Variants in TMCC1 observed in about 807,000 individuals in gnomAD.
TMCC1 encodes transmembrane and coiled-coil domain family 1.
A neutral mutation model predicts 52.4 loss-of-function variants in TMCC1; 15 were observed. The observed-to-expected ratio is 0.29, with a 90% CI of 0.19 to 0.44. The LOEUF (loss-of-function observed/expected upper bound fraction) is 0.44. Ranked by LOEUF, TMCC1 falls within the 20% of genes least tolerant of loss-of-function variation. TMCC1 has a pLI of 1.00. For missense variants in TMCC1, 503 were observed against 806.0 expected (o/e 0.62, Z 4.55); for synonymous variants, 279 against 301.9 (o/e 0.92, Z 0.79).
At chr3:129,842,477 AACACACACACACAC>A (rs61106930) in intron 2 of TMCC1, among the ~76,000 whole-genome samples, 2 of 147,650 alleles carry the variant, frequency 1.4e-5, no homozygotes, top group African/African-American at 5.0e-5. Flanking sequence ...AAAAAAACAA[AACACACACACACAC>A]ACACACACAC....
chr3:129,801,829 A>G (rs963460370), intron 4 of TMCC1, among the ~76,000 whole-genome samples: 6 of 152,200 alleles, frequency 3.9e-5, no homozygotes, highest in Non-Finnish European at 7.3e-5. Flanking sequence ...TTTCTATAGA[A>G]GTAAGATCAG....
chr3:129,870,238 C>T (rs2060846956), intron 2 of TMCC1, among the ~76,000 whole-genome samples: 2 of 152,014 alleles, frequency 1.3e-5, no homozygotes, highest in South Asian at 4.1e-4. Context: ...GACTGACAAA[C>T]ATTTCATTTT....
chr3:129,838,040 AGAG>A (rs1366913500), intron 2 of TMCC1, among the ~76,000 whole-genome samples: 2 of 152,230 alleles, frequency 1.3e-5, no homozygotes, highest in Non-Finnish European at 2.9e-5. Context: ...AAGAGACAAC[AGAG>A]AAGAAACATT....
intron 2 of TMCC1, among the ~76,000 whole-genome samples, chr3:129,863,910 C>A (rs2060510360): frequency 6.6e-6 from 1 of 151,890 alleles, no homozygotes; most frequent in South Asian, 2.1e-4. Flanking sequence ...ACCAAATCAA[C>A]ATCCTCTCCA....
chr3:129,732,830 A>G (rs550114999), intron 4 of TMCC1, among the ~76,000 whole-genome samples: 22 of 152,326 alleles, frequency 1.4e-4, no homozygotes, highest in Admixed American at 1.4e-3. Flanking sequence ...GGTGCAAGAG[A>G]ACAGAGGAAA....
At chr3:129,768,237 T>C (rs1374786690) in intron 4 of TMCC1, among the ~76,000 whole-genome samples, 1 of 152,184 alleles carries the variant, frequency 6.6e-6, no homozygotes, top group Non-Finnish European at 1.5e-5. Context: ...CAGTTTGCTT[T>C]CGGTATGTTA....
At chr3:129,669,586 C>T (rs2087753326) in intron 5 of TMCC1, among the ~76,000 whole-genome samples, 1 of 152,034 alleles carries the variant, frequency 6.6e-6, no homozygotes, top group South Asian at 2.1e-4. Flanking sequence ...AGGCATGCAC[C>T]ACCACACCCG....
intron 4 of TMCC1, among the ~76,000 whole-genome samples, chr3:129,675,898 G>A (rs1169040318): frequency 2.6e-5 from 4 of 151,900 alleles, no homozygotes; most frequent in South Asian, 4.2e-4. Flanking sequence ...TTAGCTGGGC[G>A]TGGTGGCGGG....
intron 4 of TMCC1, among the ~76,000 whole-genome samples, chr3:129,777,940 C>A (rs1402739821): frequency 6.6e-6 from 1 of 152,194 alleles, no homozygotes; most frequent in Non-Finnish European, 1.5e-5. Context: ...CAACCCCCAA[C>A]CAAAATGCCT....
chr3:129,884,927 C>T (rs905872771), intron 1 of TMCC1, among the ~76,000 whole-genome samples: 3 of 150,736 alleles, frequency 2.0e-5, no homozygotes, highest in South Asian at 2.1e-4. Flanking sequence ...GTTGCTTGAG[C>T]GCAGGATTCA....
intron 4 of TMCC1, among the ~76,000 whole-genome samples, chr3:129,775,406 G>A (rs924377648): frequency 7.9e-5 from 12 of 152,106 alleles, no homozygotes; most frequent in African/African-American, 2.9e-4. Context: ...GTTCAAGGCT[G>A]CAGTGAGCTA....
At position 129,778,741 on chromosome 3, in the gene TMCC1, T is replaced by C. The variant is rs117300884; in HGVS notation, c.576+49062A>G. On this transcript the variant is annotated intron_variant, in intron 4 of 6. Coordinates refer to ENST00000393238, the MANE Select transcript of TMCC1 (RefSeq NM_001017395.5). ...GTTCTCACAAAATCTGATGGTTTTA[T>C]ATGAGGCTTTTCCCCCTTTTGCTCA... is the stretch of plus-strand genomic sequence containing the variant. Among the ~76,000 whole-genome samples, 163 of 152,210 alleles carry C rather than the reference T, an allele frequency of 1.1e-3. 1 individual carries two copies. The East Asian group carries it at 0.027, about 25-fold the overall frequency.
intron 4 of TMCC1, among the ~76,000 whole-genome samples, chr3:129,727,567 A>C: frequency 6.6e-6 from 1 of 152,242 alleles, no homozygotes; most frequent in Admixed American, 6.5e-5. Flanking sequence ...CATCTTTATA[A>C]ATAACAGGCA....
intron 4 of TMCC1, among the ~76,000 whole-genome samples, chr3:129,692,607 T>C (rs2047105002): frequency 6.6e-6 from 1 of 152,240 alleles, no homozygotes; most frequent in African/African-American, 2.4e-5. Flanking sequence ...TTGTGAGCTT[T>C]ACTAGTCTGC....
intron 4 of TMCC1, among the ~76,000 whole-genome samples, chr3:129,717,794 A>G (rs1403687930): frequency 6.6e-6 from 1 of 152,136 alleles, no homozygotes; most frequent in African/African-American, 2.4e-5. Context: ...ATATTGTCTG[A>G]GTTACTAAAA....
At chr3:129,685,546 T>G (rs777293022) in intron 4 of TMCC1, among the ~76,000 whole-genome samples, 8 of 152,018 alleles carry the variant, frequency 5.3e-5, no homozygotes, top group Non-Finnish European at 8.8e-5. Flanking sequence ...TGCAGAACAG[T>G]CCAGAAGAAG....
At chr3:129,870,226 C>T (rs1455079808) in intron 2 of TMCC1, among the ~76,000 whole-genome samples, 1 of 151,924 alleles carries the variant, frequency 6.6e-6, no homozygotes, top group Non-Finnish European at 1.5e-5. Flanking sequence ...TATACTCTTG[C>T]TGACTGACAA....
chr3:129,757,034 T>C (rs775312468), intron 4 of TMCC1, among the ~76,000 whole-genome samples: 1 of 152,242 alleles, frequency 6.6e-6, no homozygotes, highest in Non-Finnish European at 1.5e-5. Flanking sequence ...CTCCTTGCTG[T>C]GTGGCTGTTT....
chr3:129,683,986 G>C (rs2089213534), intron 4 of TMCC1, among the ~76,000 whole-genome samples: 1 of 152,152 alleles, frequency 6.6e-6, no homozygotes, highest in Non-Finnish European at 1.5e-5. Context: ...ACAGAATAAA[G>C]CAGATACACT....
Sources: gnomAD v4.1 joint callset for allele counts (sites outside exome capture counted in the v4.1 genomes callset) on GRCh38, gnomAD v4.1.1 for gene constraint, MANE v1.5 for transcripts, NCBI Gene and HGNC (gene_info 2026-07-23, HGNC 2026-07-21) for gene names.